NGEF: variants seen among roughly 807,000 people sequenced by gnomAD.
The protein encoded by NGEF is ephexin-1.
In NGEF, 31 loss-of-function variants were observed where a neutral mutation model predicts 80.9. That is an observed-to-expected ratio of 0.38 (90% CI 0.29 to 0.52). NGEF has a LOEUF of 0.52. Among genes scored for constraint, NGEF ranks in the 20% least tolerant of loss-of-function variants. The pLI, the probability that NGEF is intolerant of heterozygous loss-of-function variation, is 0.84. For missense variants in NGEF, 709 were observed against 926.2 expected (o/e 0.77, Z 3.04); for synonymous variants, 371 against 370.2 (o/e 1.00, Z -0.03).
intron 3 of NGEF, among the ~76,000 whole-genome samples, chr2:232,943,199 GC>G (rs1165089760): frequency 6.6e-6 from 1 of 151,294 alleles, no homozygotes; most frequent in African/African-American, 2.4e-5. Context: ...GGAAAGTCTT[GC>G]CAGAAATACA....
intron 1 of NGEF, among the ~76,000 whole-genome samples, chr2:232,993,041 A>T (rs113048226): frequency 0.21 from 28,588 of 136,756 alleles, 3,770 homozygotes; most frequent in Non-Finnish European, 0.29. Context: ...ATATAAATAT[A>T]TATATTCAAA....
intron 1 of NGEF, among the ~76,000 whole-genome samples, chr2:232,984,666 G>A (rs912267190): frequency 1.3e-5 from 2 of 152,214 alleles, no homozygotes; most frequent in East Asian, 1.9e-4. Flanking sequence ...ATGAGCCATC[G>A]GTGTGGGTGA....
intron 1 of NGEF, among the ~76,000 whole-genome samples, chr2:233,008,414 C>T (rs549903778): frequency 6.6e-6 from 1 of 152,162 alleles, no homozygotes; most frequent in African/African-American, 2.4e-5. Flanking sequence ...AGGGATTTGG[C>T]CTTCATGGAG....
intron 12 of NGEF, among the ~76,000 whole-genome samples, chr2:232,882,541 T>C (rs1054381181): frequency 1.3e-5 from 2 of 152,202 alleles, no homozygotes; most frequent in African/African-American, 4.8e-5. Flanking sequence ...GCCCACAGGG[T>C]AACAAGTCCC....
intron 1 of NGEF, among the ~76,000 whole-genome samples, chr2:232,998,207 CACA>C (rs1248438261): frequency 6.6e-6 from 1 of 152,164 alleles, no homozygotes. Flanking sequence ...ATTTGATCTT[CACA>C]ACAACCCCAG....
chr2:232,896,591 A>G (rs1252615110), intron 5 of NGEF, among the ~76,000 whole-genome samples: 3 of 65,494 alleles, frequency 4.6e-5, no homozygotes, highest in Non-Finnish European at 8.8e-5. Context: ...GGTGAGGGTG[A>G]GGGTAGGGGT....
Position 232,920,440 on chromosome 2 carries a change from C to G in NGEF, c.672G>C (p.Glu224Asp), listed in dbSNP as rs1201042858. The change falls in exon 5 of 15, where the codon GAG becomes GAC. Residue 224 changes from glutamate to aspartate, a missense_variant. Physicochemically the swap from Glu to Asp is conservative, Grantham distance 45 (BLOSUM62 2). This residue lies in a region of NGEF where 283 missense variants were observed against 303.4 expected (regional missense o/e 0.93). Transcript: ENST00000264051. ...TCTCTGGTGGGCTGGCCGGCTCCTC[C>G]TCCTCCTCCTCTTCTTCTTCCTCCT... ...TPEEEEEEEE[E>D]EEPASPPERK... The G allele has an allele frequency of 1.3e-5, 21 of 1,613,916 alleles. No homozygotes were observed. The highest frequency in any genetic ancestry group is 1.7e-5 in the Non-Finnish European group (20 of 1,179,906).
In NGEF at chr2:232,888,108, C is replaced by T; in HGVS notation, c.1273-1G>A. The T allele has an allele frequency of 1.9e-6, 3 of 1,585,896 alleles. No individual in the cohort carries two copies. The highest frequency in any genetic ancestry group is 8.5e-7 in the Non-Finnish European group (1 of 1,170,116). ...TCTCTTCTACCCTCTTCAGGATGTT[C>T]TATGCACAGAGAAAGGCTGCGTTAA... On this transcript the variant is annotated splice_acceptor_variant, in intron 8 of 14. Transcript: ENST00000264051. LOFTEE classifies it high-confidence loss of function.
intron 11 of NGEF, 138 bp downstream of exon 11, chr2:232,883,843 A>T (rs1237789454): frequency 3.3e-6 from 3 of 900,376 alleles, no homozygotes; most frequent in Non-Finnish European, 4.9e-6. Flanking sequence ...GCTGGGCCAC[A>T]GCAGAACAGA....
chr2:232,932,346 T>C (rs1385038974), intron 3 of NGEF, among the ~76,000 whole-genome samples: 2 of 151,928 alleles, frequency 1.3e-5, no homozygotes, highest in African/African-American at 2.4e-5. Context: ...TTTGTATTTT[T>C]AGTAGAGATG....
At chr2:232,904,014 T>C (rs554547100) in intron 5 of NGEF, among the ~76,000 whole-genome samples, 1 of 152,154 alleles carries the variant, frequency 6.6e-6, no homozygotes, top group African/African-American at 2.4e-5. Flanking sequence ...CTTACAGCTG[T>C]AAAAATTACA....
Position 232,924,568 on chromosome 2 carries a change from C to G in NGEF, c.526+2476G>C, listed in dbSNP as rs578099449. Among the ~76,000 whole-genome samples the G allele has an allele frequency of 3.2e-3, 481 of 152,276 alleles. 2 individuals carry two copies. The highest frequency in any genetic ancestry group is 0.011 in the African/African-American group (447 of 41,534). ...TCCCTCCCCAACAGACACTTGAAGA[C>G]AAACTGCCCTTCCTGTTTCACACAT... On this transcript the variant is annotated intron_variant, in intron 4 of 14. Coordinates refer to ENST00000264051, the MANE Select transcript of NGEF (RefSeq NM_019850.3).
At position 232,974,668 on chromosome 2, in the gene NGEF, CT is replaced by C. The variant is rs1694255552; in HGVS notation, c.222del (p.Ala75ProfsTer24). On this transcript the variant is annotated frameshift_variant, in exon 2 of 15. Transcript: ENST00000264051. LOFTEE classifies it high-confidence loss of function. ...CGTTCGGGGTTGTCTCTGGCCTTGGCTTTGCTTTTGCGTCTTATGGAGCGAT... is the reference window on the plus strand; with the variant it reads ...CGTTCGGGGTTGTCTCTGGCCTTGGCTTGCTTTTGCGTCTTATGGAGCGAT... ...IFNRSIRRKS[K>X]AKARDNPERN... is the part of the protein sequence containing the mutation. The C allele has an allele frequency of 6.2e-7, 1 of 1,614,234 alleles. No individual in the cohort carries two copies. The highest frequency in any genetic ancestry group is 2.2e-5 in the East Asian group (1 of 44,892).
Position 232,984,987 on chromosome 2 carries a change from C to T in NGEF, c.-74-10023G>A, listed in dbSNP as rs73995766. 5.2e-3 allele frequency among the ~76,000 whole-genome samples: 784 copies of T among 152,094 alleles called. 9 individuals are homozygous for T. The highest frequency in any genetic ancestry group is 0.018 in the African/African-American group (747 of 41,476). On this transcript the variant is annotated intron_variant, in intron 1 of 14. Transcript: ENST00000264051. ...AATGAAATAAGGAATTGAGAGTGGACGGGGAGATTGGGGACAGCTCTCAGG... is the reference window on the plus strand; with the variant it reads ...AATGAAATAAGGAATTGAGAGTGGATGGGGAGATTGGGGACAGCTCTCAGG...
In NGEF at chr2:232,892,511, G is replaced by A. The variant is rs1482895876; in HGVS notation, c.1142+387C>T. ...CCCCACCGAGGCTCCTTCCCATCCT[G>A]TCCCTGCCCTTGTCGCTAGTTCAAG... On this transcript the variant is annotated intron_variant, in intron 7 of 14. Coordinates refer to ENST00000264051, the MANE Select transcript of NGEF (RefSeq NM_019850.3). The surrounding 1 kb of genome is among the most constrained non-coding windows in gnomAD (Gnocchi z 4.0). 2.0e-5 allele frequency among the ~76,000 whole-genome samples: 3 copies of A among 152,282 alleles called. No homozygotes were observed. Among genetic ancestry groups the A allele is most frequent in the Admixed American group, 6.5e-5 (1 of 15,304 alleles).
chr2:232,888,264 GCA>G (rs1691760314), intron 8 of NGEF, among the ~76,000 whole-genome samples, 157 bp from the exon 9 acceptor site: 1 of 149,610 alleles, frequency 6.7e-6, no homozygotes, highest in Non-Finnish European at 1.5e-5. Context: ...ATACATGCAT[GCA>G]CACATGCATA....
chr2:232,937,347 C>A (rs988153287), intron 3 of NGEF, among the ~76,000 whole-genome samples: 1 of 152,248 alleles, frequency 6.6e-6, no homozygotes, highest in Non-Finnish European at 1.5e-5. Context: ...CTCCCTCCAT[C>A]TGTCCTAAAT....
intron 3 of NGEF, among the ~76,000 whole-genome samples, chr2:232,930,158 C>T (rs1334515124): frequency 2.0e-5 from 3 of 152,086 alleles, no homozygotes; most frequent in Non-Finnish European, 4.4e-5. Context: ...CCAGTGTAAA[C>T]AGCAGACACA....
chr2:232,927,316 C>A lies in NGEF; in HGVS notation c.384-130G>T, dbSNP rs181021966. On this transcript the variant is annotated intron_variant, in intron 3 of 14. Coordinates refer to ENST00000264051, the MANE Select transcript of NGEF (RefSeq NM_019850.3). ...CTTACCCGGGACCGTCCAGGGGCAG[C>A]GGCCGCAGCCAGCGCCGCCCCTCCC... The A allele has an allele frequency of 1.1e-3, 1,045 of 978,898 alleles. 8 individuals carry two copies. The African/African-American group carries it at 0.016, about 15-fold the overall frequency. The allele number at this position is 978,898 out of a possible 1,614,324, so 60.6% of individuals were successfully genotyped here. A position where few individuals can be genotyped will look rare whatever the true frequency, so the allele number is the denominator to read the frequency against.
Sources: gnomAD v4.1 joint callset for allele counts (sites outside exome capture counted in the v4.1 genomes callset) on GRCh38, gnomAD v4.1.1 for gene constraint, gnomAD v4.1.1 regional missense constraint, Gnocchi (gnomAD v3.1) non-coding constraint, MANE v1.5 for transcripts, NCBI Gene and HGNC (gene_info 2026-07-23, HGNC 2026-07-21) for gene names.